MAP3K20: variants seen among roughly 807,000 people sequenced by gnomAD.
MAP3K20 encodes HCCS-4.
MAP3K20 carries 40 observed loss-of-function variants against 85.7 expected under a neutral mutation model. That is an observed-to-expected ratio of 0.47 (90% CI 0.36 to 0.61). The LOEUF (loss-of-function observed/expected upper bound fraction) is 0.61, where lower values mean the gene tolerates loss of function less well. Ranked by LOEUF, MAP3K20 falls within the 20% of genes least tolerant of loss-of-function variation. MAP3K20 has a pLI of 0.00. For synonymous variants in MAP3K20, 325 were observed against 327.7 expected (o/e 0.99, Z 0.09); for missense variants, 817 against 961.7 (o/e 0.85, Z 1.99).
intron 11 of MAP3K20, chr2:173,226,229 C>G: frequency 1.0e-6 from 1 of 985,294 alleles, no homozygotes; most frequent in East Asian, 1.1e-4. Flanking sequence ...AATGACCTCC[C>G]AGAATTACTG....
chr2:173,086,931 C>A (rs1353276030), intron 1 of MAP3K20, among the ~76,000 whole-genome samples: 1 of 152,222 alleles, frequency 6.6e-6, no homozygotes, highest in Non-Finnish European at 1.5e-5. Flanking sequence ...CCGAAGAAGC[C>A]TAGGCAGCAG....
At chr2:173,260,995 CAAAGAA>C in intron 17 of MAP3K20, 62 bp from the exon 18 acceptor site, 1 of 1,480,730 alleles carries the variant, frequency 6.8e-7, no homozygotes, top group Non-Finnish European at 9.4e-7. Context: ...CAACCGGCCT[CAAAGAA>C]ACATACTATA....
chr2:173,163,190 A>G (rs116681846), intron 2 of MAP3K20, among the ~76,000 whole-genome samples: 2,120 of 152,304 alleles, frequency 0.014, 56 homozygotes, highest in African/African-American at 0.048. Context: ...ATTGTGTGTC[A>G]TGGGCAGTTA....
chr2:173,231,943 A>T (rs1559291986), intron 12 of MAP3K20, among the ~76,000 whole-genome samples: 1 of 152,248 alleles, frequency 6.6e-6, no homozygotes, highest in Non-Finnish European at 1.5e-5. Flanking sequence ...GAAAGGATTT[A>T]AAAATATCTC....
At chr2:173,261,894 A>G (rs1193960068) in intron 18 of MAP3K20, among the ~76,000 whole-genome samples, 1 of 151,814 alleles carries the variant, frequency 6.6e-6, no homozygotes, top group Non-Finnish European at 1.5e-5. Flanking sequence ...GCACATGACT[A>G]TGGTCCCAGC....
chr2:173,143,269 A>C (rs146782973), intron 2 of MAP3K20, among the ~76,000 whole-genome samples: 2 of 152,354 alleles, frequency 1.3e-5, no homozygotes, highest in Non-Finnish European at 2.9e-5. Context: ...GATGATTTAA[A>C]AAGTCAGTTT....
chr2:173,121,250 G>A (rs979877897), intron 2 of MAP3K20, among the ~76,000 whole-genome samples: 1 of 152,186 alleles, frequency 6.6e-6, no homozygotes, highest in African/African-American at 2.4e-5. Context: ...ATGCTTATGA[G>A]CCCATTGCTT....
At chr2:173,209,653 TG>T in intron 9 of MAP3K20, 75 bp from the exon 10 acceptor site, 1 of 1,210,324 alleles carries the variant, frequency 8.3e-7, no homozygotes, top group Non-Finnish European at 1.2e-6. Flanking sequence ...TTACTATGCT[TG>T]TAGTATCTAC....
At position 173,094,162 on chromosome 2, in the gene MAP3K20, A is replaced by G. The variant is rs1574006568; in HGVS notation, c.159+2972A>G. 2.6e-5 allele frequency among the ~76,000 whole-genome samples: 4 copies of G among 152,132 alleles called. No homozygotes were observed. In the South Asian group the frequency reaches 8.3e-4, roughly 32 times the overall value. Reference sequence around the variant, plus strand: ...AATAAAAAAAAATTTTTTTAAACCTAGAGAACAATTAAAAGAATACTACTA... The same window carrying G: ...AATAAAAAAAAATTTTTTTAAACCTGGAGAACAATTAAAAGAATACTACTA... On this transcript the variant is annotated intron_variant, in intron 2 of 19. Coordinates refer to ENST00000375213, the MANE Select transcript of MAP3K20 (RefSeq NM_016653.3).
chr2:173,156,644 A>C (rs953060900), intron 2 of MAP3K20, among the ~76,000 whole-genome samples: 4 of 152,126 alleles, frequency 2.6e-5, no homozygotes, highest in African/African-American at 9.7e-5. Context: ...TCCTCTGAGA[A>C]TCTAATGCTG....
intron 8 of MAP3K20, 149 bp from the exon 9 acceptor site, chr2:173,203,647 A>T: frequency 3.2e-6 from 2 of 630,360 alleles, no homozygotes; most frequent in Non-Finnish European, 5.6e-6. Context: ...ATAAATTGTC[A>T]CTTGTCACAT....
intron 2 of MAP3K20, among the ~76,000 whole-genome samples, chr2:173,163,461 T>C (rs1559259085): frequency 1.3e-5 from 2 of 152,236 alleles, no homozygotes; most frequent in Non-Finnish European, 2.9e-5. Flanking sequence ...ATAATCTTGT[T>C]CTTTTTTATG....
At chr2:173,213,279 T>C (rs1683968654) in intron 10 of MAP3K20, among the ~76,000 whole-genome samples, 2 of 152,146 alleles carry the variant, frequency 1.3e-5, no homozygotes, top group South Asian at 4.1e-4. Context: ...GAAAAGGAGA[T>C]ACAAGACAGT....
chr2:173,118,501 T>C (rs1204558762), intron 2 of MAP3K20, among the ~76,000 whole-genome samples: 4 of 152,194 alleles, frequency 2.6e-5, no homozygotes, highest in Non-Finnish European at 5.9e-5. Flanking sequence ...CATCTAATTT[T>C]GATGCCTGAG....
chr2:173,096,463 C>A (rs534324713), intron 2 of MAP3K20, among the ~76,000 whole-genome samples: 1 of 152,240 alleles, frequency 6.6e-6, no homozygotes, highest in East Asian at 1.9e-4. Flanking sequence ...CCTCAGCCTC[C>A]TGAGTAGCTG....
chr2:173,193,840 C>T (rs1179605301), intron 7 of MAP3K20, among the ~76,000 whole-genome samples: 1 of 152,170 alleles, frequency 6.6e-6, no homozygotes, highest in African/African-American at 2.4e-5. Context: ...TGTGCTGACC[C>T]TACCTTTGCT....
intron 11 of MAP3K20, chr2:173,227,276 T>A: frequency 5.0e-6 from 2 of 397,702 alleles, no homozygotes; most frequent in Non-Finnish European, 6.8e-6. Flanking sequence ...AGTGGGAGTG[T>A]AAATAATAAA....
Position 173,266,795 on chromosome 2 carries a change from A to AAAG in MAP3K20, c.*47_*48insGAA. 2 of 1,366,106 alleles carry AAAG rather than the reference A, an allele frequency of 1.5e-6. No individual in the cohort carries two copies. The highest frequency in any genetic ancestry group is 1.9e-6 in the Non-Finnish European group (2 of 1,042,254). 84.6% of individuals were successfully genotyped at this position (1,366,106 alleles called of 1,614,324 possible). On this transcript the variant is annotated 3_prime_UTR_variant, in exon 20 of 20. Transcript: ENST00000375213. ...TTTCTAAGCAGGTTAAAAAAAAAAA[A>AAAG]AAAAAGAAATGTAATGGTTTTTGAT...
intron 16 of MAP3K20, among the ~76,000 whole-genome samples, chr2:173,256,613 CTTTG>C (rs200660132): frequency 0.023 from 3,491 of 152,084 alleles, 87 homozygotes; most frequent in Admixed American, 0.073. Context: ...GTTTATTTTC[CTTTG>C]TTTATCCCCA....
Sources: gnomAD v4.1 joint callset for allele counts (sites outside exome capture counted in the v4.1 genomes callset) on GRCh38, gnomAD v4.1.1 for gene constraint, MANE v1.5 for transcripts, NCBI Gene and HGNC (gene_info 2026-07-23, HGNC 2026-07-21) for gene names.